The following MAEL variants were observed in gnomAD, a reference collection of about 807,000 sequenced individuals.
The protein encoded by MAEL is maelstrom spermatogenic transposon silencer, also known as protein maelstrom homolog.
Under a neutral mutation model 62.0 loss-of-function variants are expected in MAEL, and 46 were observed. The observed-to-expected ratio is 0.74, with a 90% CI of 0.59 to 0.95. The LOEUF is 0.95. Ranked by LOEUF, MAEL falls within the 40% of genes least tolerant of loss-of-function variation. The pLI, the probability that MAEL is intolerant of heterozygous loss-of-function variation, is 0.00. For synonymous variants in MAEL, 172 were observed against 175.5 expected (o/e 0.98, Z 0.16); for missense variants, 497 against 526.8 (o/e 0.94, Z 0.55).
intron 5 of MAEL, among the ~76,000 whole-genome samples, chr1:166,995,319 C>G (rs1205785441): frequency 6.6e-6 from 1 of 151,998 alleles, no homozygotes; most frequent in Non-Finnish European, 1.5e-5. Flanking sequence ...AGGCTCACTG[C>G]AACCTCCGCC....
intron 8 of MAEL, among the ~76,000 whole-genome samples, chr1:167,015,334 G>T (rs1159429380): frequency 6.6e-6 from 1 of 152,184 alleles, no homozygotes; most frequent in African/African-American, 2.4e-5. Flanking sequence ...TGGAAAAACA[G>T]TGGGAAATTC....
chr1:166,982,752 G>GTA (rs1410393327), intron 1 of MAEL, among the ~76,000 whole-genome samples: 2 of 152,020 alleles, frequency 1.3e-5, no homozygotes, highest in Non-Finnish European at 2.9e-5. Flanking sequence ...TGTAAATCCT[G>GTA]TATGATCTGG....
chr1:167,018,958 T>C (rs1665506845), intron 10 of MAEL, among the ~76,000 whole-genome samples: 1 of 152,160 alleles, frequency 6.6e-6, no homozygotes, highest in Non-Finnish European at 1.5e-5. Flanking sequence ...TACATTAAAC[T>C]TCATAGATGT....
At chr1:166,982,299 CAA>C (rs1441910845) in intron 1 of MAEL, among the ~76,000 whole-genome samples, 4 of 152,158 alleles carry the variant, frequency 2.6e-5, no homozygotes, top group Non-Finnish European at 5.9e-5. Context: ...TCATAGATGT[CAA>C]AGTCACTCAA....
chr1:166,998,376 T>C (rs368615224), intron 5 of MAEL, among the ~76,000 whole-genome samples: 203 of 152,346 alleles, frequency 1.3e-3, no homozygotes, highest in African/African-American at 4.7e-3. Flanking sequence ...TTTGTTGCTG[T>C]TACAAATGAT....
upstream of MAEL, among the ~76,000 whole-genome samples, chr1:166,988,029 C>T (rs898347597): frequency 6.6e-6 from 1 of 152,124 alleles, no homozygotes; most frequent in Non-Finnish European, 1.5e-5. Context: ...TAGGCTGCAT[C>T]GTTAGAAAAC....
chr1:167,019,862 G>T (rs1453860006), intron 10 of MAEL, among the ~76,000 whole-genome samples: 2 of 151,818 alleles, frequency 1.3e-5, no homozygotes, highest in Non-Finnish European at 2.9e-5. Flanking sequence ...CAGAAAACTG[G>T]TTTTTCCATC....
In MAEL at chr1:166,997,264, C is replaced by T. The variant is rs138372787; in HGVS notation, c.523+3195C>T. Among the ~76,000 whole-genome samples, 225 of 152,346 alleles carry T rather than the reference C, an allele frequency of 1.5e-3. 1 individual carries two copies. Among genetic ancestry groups the T allele is most frequent in the African/African-American group, 4.8e-3 (198 of 41,580 alleles). The stretch of plus-strand genomic sequence containing the variant: ...TTAAGAAAGTTTATGAATTTGTATT[C>T]GGTTGCATTCAAAGCCATCCTGGGC... On this transcript the variant is annotated intron_variant, in intron 5 of 11. Coordinates refer to ENST00000367872, the MANE Select transcript of MAEL (RefSeq NM_032858.3).
At chr1:167,014,416 A>G (rs1386634465) in intron 8 of MAEL, among the ~76,000 whole-genome samples, 3 of 152,202 alleles carry the variant, frequency 2.0e-5, no homozygotes, top group South Asian at 2.1e-4. Context: ...TGTATGGGAA[A>G]GTTTCTGTGG....
At chr1:167,016,015 G>T (rs1049166922) in intron 8 of MAEL, among the ~76,000 whole-genome samples, 2 of 152,124 alleles carry the variant, frequency 1.3e-5, no homozygotes, top group Admixed American at 1.3e-4. Context: ...TTGACTGTAT[G>T]GTTATGTGTA....
At chr1:166,989,642 C>A in intron 1 of MAEL, 95 bp from the exon 2 acceptor site, 2 of 1,463,184 alleles carry the variant, frequency 1.4e-6, no homozygotes, top group Non-Finnish European at 1.9e-6. Flanking sequence ...GACACCAGAA[C>A]CACCTCCCTG....
chr1:166,982,539 G>A (rs1245372588), intron 1 of MAEL, among the ~76,000 whole-genome samples: 1 of 152,058 alleles, frequency 6.6e-6, no homozygotes, highest in African/African-American at 2.4e-5. Context: ...GCTGAATAAT[G>A]TTGGCCTTCA....
intron 8 of MAEL, chr1:167,005,609 A>G (rs1311805446): frequency 2.4e-6 from 1 of 410,248 alleles, no homozygotes; most frequent in African/African-American, 2.1e-5. Flanking sequence ...GTTCTTTCTT[A>G]TCACTTAGAA....
At position 166,989,474 on chromosome 1, in the gene MAEL, C is replaced by A; in HGVS notation, c.122C>A (p.Ser41Ter). The A allele has an allele frequency of 6.3e-7, 1 of 1,584,982 alleles. No homozygotes were observed. ...RVADAIPYCS[S>*]DWALLREEEK... ...GCTGATGCCATCCCTTACTGCTCCT[C>A]AGACTGGGCGGTAAGGCTGGAGCGG... is the stretch of plus-strand genomic sequence containing the variant. Residue 41 changes from serine to a stop codon, truncating the protein, a stop_gained, in exon 1 of 12, where the codon TCA (serine) becomes TAA (stop). Coordinates refer to ENST00000367872, the MANE Select transcript of MAEL (RefSeq NM_032858.3). LOFTEE classifies it high-confidence loss of function.
upstream of MAEL, among the ~76,000 whole-genome samples, chr1:166,986,568 A>C (rs541900522): frequency 5.3e-5 from 8 of 152,344 alleles, no homozygotes; most frequent in African/African-American, 1.7e-4. Context: ...ACTAAAATTT[A>C]TGGGTAACAG....
In MAEL at chr1:167,009,852, T is replaced by C. The variant is rs563693387; in HGVS notation, c.845+4455T>C. ...TTCTGTAATGTTTTTGTCTTTTTTT[T>C]CCCCTCTCTTTCTTGAGTTAAGTAA... On this transcript the variant is annotated intron_variant, in intron 8 of 11. Transcript: ENST00000367872. 1.2e-4 allele frequency among the ~76,000 whole-genome samples: 19 copies of C among 152,272 alleles called. No individual in the cohort carries two copies. The South Asian group carries it at 2.5e-3, about 20-fold the overall frequency.
Position 167,021,839 on chromosome 1 carries a change from T to A in MAEL, c.1289T>A (p.Phe430Tyr), listed in dbSNP as rs200941748. The part of the protein sequence containing the change: ...YMSQKDGYKS[F>Y]SSLS ...TCCCAAAAAGATGGATACAAATCTT[T>A]CTCTTCCTTATCTTAATGATGGTAC... is the stretch of plus-strand genomic sequence containing the variant. The change falls in exon 12 of 12, where the codon TTC becomes TAC. Residue 430 changes from phenylalanine (F) to tyrosine (Y), a missense_variant. Phe to Tyr is a conservative substitution (Grantham distance 22, BLOSUM62 3). Transcript: ENST00000367872. 3 of 1,607,038 alleles carry A rather than the reference T, an allele frequency of 1.9e-6. No individual in the cohort carries two copies. In the African/African-American group the frequency reaches 4.0e-5, roughly 22 times the overall value.
intron 11 of MAEL, 146 bp from the exon 12 acceptor site, chr1:167,021,522 T>C: frequency 1.7e-6 from 1 of 591,394 alleles, no homozygotes; most frequent in Non-Finnish European, 2.8e-6. Context: ...ATTAAAAGTT[T>C]CCTGGGCTAA....
intron 3 of MAEL, among the ~76,000 whole-genome samples, chr1:166,992,338 G>A (rs1010999898): frequency 7.2e-5 from 11 of 152,074 alleles, no homozygotes; most frequent in South Asian, 6.2e-4. Context: ...GCTCAGCTTC[G>A]TTTCCCAGAC....
Sources: gnomAD v4.1 joint callset for allele counts (sites outside exome capture counted in the v4.1 genomes callset) on GRCh38, gnomAD v4.1.1 for gene constraint, MANE v1.5 for transcripts, NCBI Gene and HGNC (gene_info 2026-07-23, HGNC 2026-07-21) for gene names.